Variants in TXNDC9 observed in about 807,000 individuals in gnomAD.
TXNDC9 encodes the protein thioredoxin domain containing 9.
In TXNDC9, 7 loss-of-function variants were observed where a neutral mutation model predicts 23.0. The observed-to-expected ratio is 0.30, with a 90% CI of 0.17 to 0.57. The LOEUF is 0.57. TXNDC9 is among the 20% of genes least tolerant of loss of function. The probability of loss-of-function intolerance (pLI) is 0.90; values close to 1 mark genes in which losing one functional copy is unlikely to be tolerated. For synonymous variants in TXNDC9, 72 were observed against 90.6 expected, an observed-to-expected ratio of 0.79 and a Z score of 1.17; for missense variants, 198 against 252.6, an observed-to-expected ratio of 0.78 and a Z score of 1.47.
chr2:99,316,381 C>T (rs1473442425), downstream of TXNDC9, among the ~76,000 whole-genome samples: 2 of 152,050 alleles, frequency 1.3e-5, no homozygotes, highest in East Asian at 3.9e-4. Flanking sequence ...CTATATTGCC[C>T]AGGCTGGTTT....
downstream of TXNDC9, among the ~76,000 whole-genome samples, chr2:99,317,636 A>G (rs1347466052): frequency 6.7e-6 from 1 of 149,760 alleles, no homozygotes; most frequent in Non-Finnish European, 1.5e-5. Flanking sequence ...CTAGCTAACC[A>G]CTCATTTTTT....
chr2:99,332,927 C>G (rs1417834154), intron 2 of TXNDC9, 95 bp downstream of exon 2: 1 of 1,088,250 alleles, frequency 9.2e-7, no homozygotes, highest in Non-Finnish European at 1.3e-6. Context: ...ACCCTAAACA[C>G]AAAGAACGAA....
the TXNDC9 span, among the ~76,000 whole-genome samples, chr2:99,311,673 C>T: frequency 6.6e-6 from 1 of 152,134 alleles, no homozygotes; most frequent in African/African-American, 2.4e-5. Flanking sequence ...ATGCCCAGCC[C>T]TCAGGCTGGT....
chr2:99,332,240 C>G (rs1327378427), intron 2 of TXNDC9, among the ~76,000 whole-genome samples: 1 of 152,174 alleles, frequency 6.6e-6, no homozygotes, highest in Admixed American at 6.5e-5. Context: ...GTCAGAAGTT[C>G]AAGGGCAGCC....
At chr2:99,315,259 G>T (rs2094186510), downstream of TXNDC9, among the ~76,000 whole-genome samples, 1 of 151,914 alleles carries the variant, frequency 6.6e-6, no homozygotes, top group South Asian at 2.1e-4. Context: ...TAGAGACGGG[G>T]TTTCACCGTG....
At chr2:99,311,595 C>G in the TXNDC9 span, among the ~76,000 whole-genome samples, 2 of 151,870 alleles carry the variant, frequency 1.3e-5, no homozygotes, top group Non-Finnish European at 1.5e-5. Flanking sequence ...ACACCCAGCC[C>G]TCAGGCTGGT....
the TXNDC9 span, among the ~76,000 whole-genome samples, chr2:99,307,680 C>T: frequency 8.1e-6 from 1 of 123,652 alleles, no homozygotes; most frequent in Non-Finnish European, 1.7e-5. Flanking sequence ...TTCATTACAA[C>T]ACTCATCAAA....
Position 99,327,531 on chromosome 2 carries a change from T to C in TXNDC9, c.308+4A>G. 6.3e-7 allele frequency: 1 copy of C among 1,594,364 alleles called. No individual in the cohort carries two copies. Among genetic ancestry groups the C allele is most frequent in the South Asian group, 1.1e-5 (1 of 90,096 alleles). On this transcript the variant is annotated splice_donor_region_variant and intron_variant, in intron 3 of 4. Transcript: ENST00000264255. ...GAAAAAGTCACAGATGGAAACAAAG[T>C]TACCTGAATGTGGAGTCTCTGTAGA...
intron 1 of TXNDC9, 103 bp downstream of exon 1, chr2:99,336,136 G>A (rs962621966): frequency 1.1e-6 from 1 of 947,666 alleles, no homozygotes; most frequent in Middle Eastern, 5.4e-4. Context: ...ACCGACACCG[G>A]TGCTGGGGCC....
At chr2:99,308,165 A>G in the TXNDC9 span, among the ~76,000 whole-genome samples, 1 of 152,124 alleles carries the variant, frequency 6.6e-6, no homozygotes, top group South Asian at 2.1e-4. Context: ...AAAAACGCAA[A>G]TGGGAAAAGC....
the TXNDC9 span, among the ~76,000 whole-genome samples, chr2:99,309,925 T>C: frequency 6.6e-6 from 1 of 151,944 alleles, no homozygotes; most frequent in Non-Finnish European, 1.5e-5. Context: ...CCTTAGGTGA[T>C]CCACCTGCCT....
chr2:99,323,314 G>A (rs2094206642), intron 3 of TXNDC9, among the ~76,000 whole-genome samples: 1 of 152,026 alleles, frequency 6.6e-6, no homozygotes, highest in Non-Finnish European at 1.5e-5. Context: ...GGCTGAGGCA[G>A]GAGAATCACT....
At chr2:99,329,966 CA>C (rs70940164) in intron 2 of TXNDC9, among the ~76,000 whole-genome samples, 12 of 143,916 alleles carry the variant, frequency 8.3e-5, no homozygotes, top group African/African-American at 2.1e-4. Flanking sequence ...GACCCTGTCT[CA>C]AAAAAAAAAG....
At chr2:99,334,582 T>C (rs1353915151) in intron 1 of TXNDC9, among the ~76,000 whole-genome samples, 2 of 152,212 alleles carry the variant, frequency 1.3e-5, no homozygotes, top group Non-Finnish European at 2.9e-5. Flanking sequence ...ATAATGGCAT[T>C]TGTGTATCTA....
At chr2:99,310,712 C>G in the TXNDC9 span, among the ~76,000 whole-genome samples, 1 of 152,128 alleles carries the variant, frequency 6.6e-6, no homozygotes, top group Non-Finnish European at 1.5e-5. Context: ...GGAACCAGCT[C>G]TTGCTGCCTT....
At chr2:99,332,708 C>T (rs974955584) in intron 2 of TXNDC9, 10 of 247,306 alleles carry the variant, frequency 4.0e-5, no homozygotes, top group South Asian at 1.0e-4. Flanking sequence ...ATAGCTAAAT[C>T]GGCTTTAATA....
the TXNDC9 span, among the ~76,000 whole-genome samples, chr2:99,312,292 TCA>T: frequency 6.6e-6 from 1 of 152,112 alleles, no homozygotes. Flanking sequence ...GGTCAGGAGT[TCA>T]AGACCAGCTT....
downstream of TXNDC9, among the ~76,000 whole-genome samples, chr2:99,316,517 ATTTT>A (rs1464347870): frequency 1.3e-5 from 2 of 151,478 alleles, no homozygotes; most frequent in African/African-American, 4.8e-5. Flanking sequence ...TGTTTTCAAG[ATTTT>A]TTTCTTTCAT....
chr2:99,329,349 A>T (rs572810554), intron 2 of TXNDC9, among the ~76,000 whole-genome samples: 1 of 152,296 alleles, frequency 6.6e-6, no homozygotes, highest in African/African-American at 2.4e-5. Flanking sequence ...CTCTTCCAGG[A>T]TATCAACTAA....
Sources: gnomAD v4.1 joint callset for allele counts (sites outside exome capture counted in the v4.1 genomes callset) on GRCh38, gnomAD v4.1.1 for gene constraint, MANE v1.5 for transcripts, NCBI Gene and HGNC (gene_info 2026-07-23, HGNC 2026-07-21) for gene names.